MALRD1: variants seen among roughly 807,000 people sequenced by gnomAD.
The protein encoded by MALRD1 is MAM and LDL receptor class A domain containing 1.
A neutral mutation model predicts 242.1 loss-of-function variants in MALRD1; 247 were observed. The ratio of observed to expected loss-of-function variants is 1.02; its 90% CI spans 0.92 to 1.13. MALRD1 has a LOEUF of 1.13. Ranked by LOEUF, MALRD1 falls within the 50% of genes most tolerant of loss-of-function variation. The probability of loss-of-function intolerance (pLI) is 0.00; values close to 1 mark genes in which losing one functional copy is unlikely to be tolerated. For missense variants in MALRD1, 2,989 were observed against 2,533.1 expected (o/e 1.18, Z -3.86); for synonymous variants, 995 against 866.6 (o/e 1.15, Z -2.60).
intron 36 of MALRD1, among the ~76,000 whole-genome samples, chr10:19,658,367 T>G (rs190857983): frequency 1.5e-4 from 23 of 152,216 alleles, no homozygotes; most frequent in African/African-American, 5.1e-4. Flanking sequence ...AAAAAAATAA[T>G]GCATATAGAA....
intron 34 of MALRD1, among the ~76,000 whole-genome samples, chr10:19,606,875 T>A (rs1229169350): frequency 6.6e-6 from 1 of 152,156 alleles, no homozygotes; most frequent in Non-Finnish European, 1.5e-5. Flanking sequence ...CATAGCCTCT[T>A]CTTTCTAGGA....
intron 18 of MALRD1, among the ~76,000 whole-genome samples, chr10:19,233,893 A>T (rs1260378100): frequency 6.6e-6 from 1 of 151,768 alleles, no homozygotes; most frequent in Non-Finnish European, 1.5e-5. Context: ...AGGTTTCCCT[A>T]TTATATTCAA....
At chr10:19,219,578 A>G (rs1215908208) in intron 18 of MALRD1, among the ~76,000 whole-genome samples, 1 of 152,102 alleles carries the variant, frequency 6.6e-6, no homozygotes, top group Non-Finnish European at 1.5e-5. Context: ...CTGCGCCTAT[A>G]GGCGTGCACC....
intron 29 of MALRD1, chr10:19,489,127 G>A (rs2151234): frequency 0.5 from 233,630 of 465,566 alleles, 60,289 homozygotes; most frequent in Non-Finnish European, 0.56. Flanking sequence ...CTCTGCTGAA[G>A]GGGCCGCCAC....
At chr10:19,285,254 T>G (rs879773602) in intron 21 of MALRD1, among the ~76,000 whole-genome samples, 51 of 142,872 alleles carry the variant, frequency 3.6e-4, no homozygotes, top group South Asian at 9.4e-4. Context: ...CTCTTTAGTT[T>G]AATTAGATCC....
At chr10:19,444,853 C>G (rs989773647) in intron 28 of MALRD1, among the ~76,000 whole-genome samples, 1 of 152,132 alleles carries the variant, frequency 6.6e-6, no homozygotes, top group Non-Finnish European at 1.5e-5. Context: ...TGAATGTTGG[C>G]CTGCCTTGCT....
In MALRD1 at chr10:19,165,932, C is replaced by A. The variant is rs868377801; in HGVS notation, c.1830+122C>A. ...CAGGTGAGCACATATGAAATTAATA[C>A]AATGCAACAGAAGACACTTATTTAA... On this transcript the variant is annotated intron_variant, in intron 13 of 39. Transcript: ENST00000454679. The A allele has an allele frequency of 6.2e-6, 4 of 649,242 alleles. No homozygotes were observed. The Admixed American group carries it at 1.3e-4, about 21-fold the overall frequency. 40.2% of individuals were successfully genotyped at this position (649,242 alleles called of 1,614,324 possible).
intron 21 of MALRD1, among the ~76,000 whole-genome samples, chr10:19,303,339 G>A (rs1013244560): frequency 2.6e-4 from 40 of 151,642 alleles, no homozygotes; most frequent in Middle Eastern, 3.4e-3. Flanking sequence ...CACCAAGTAC[G>A]ATAGTACCAA....
At chr10:19,063,133 A>AAG (rs950245632) in intron 1 of MALRD1, among the ~76,000 whole-genome samples, 2 of 152,000 alleles carry the variant, frequency 1.3e-5, no homozygotes, top group African/African-American at 4.8e-5. Flanking sequence ...GTGACAGAGC[A>AAG]AGACCCTGTC....
At position 19,535,508 on chromosome 10, in the gene MALRD1, C is replaced by G. The variant is rs112498444; in HGVS notation, c.5478+4157C>G. 7.1e-3 allele frequency among the ~76,000 whole-genome samples: 1,058 copies of G among 148,212 alleles called. 12 individuals are homozygous for G. The highest frequency in any genetic ancestry group is 0.024 in the African/African-American group (985 of 40,394). ...GCATATACATATACACATATATATA[C>G]ACATATATACATGTGTATATGTATA... On this transcript the variant is annotated intron_variant, in intron 32 of 39. Transcript: ENST00000454679.
intron 33 of MALRD1, among the ~76,000 whole-genome samples, chr10:19,590,328 T>C (rs1837702896): frequency 6.8e-6 from 1 of 148,100 alleles, no homozygotes; most frequent in Non-Finnish European, 1.5e-5. Context: ...TATATACATA[T>C]TTTATATATG....
chr10:19,482,389 C>A (rs915933878), intron 29 of MALRD1, among the ~76,000 whole-genome samples: 5 of 151,586 alleles, frequency 3.3e-5, no homozygotes, highest in African/African-American at 1.2e-4. Flanking sequence ...AAACAAAAAA[C>A]CAGTTTTATT....
chr10:19,338,149 A>G (rs1196126242), intron 24 of MALRD1, among the ~76,000 whole-genome samples: 1 of 152,094 alleles, frequency 6.6e-6, no homozygotes, highest in African/African-American at 2.4e-5. Flanking sequence ...CATTTTCTAT[A>G]ATCGATAAAC....
At chr10:19,651,858 A>G (rs1478626260) in intron 36 of MALRD1, among the ~76,000 whole-genome samples, 2 of 152,208 alleles carry the variant, frequency 1.3e-5, no homozygotes, top group East Asian at 1.9e-4. Flanking sequence ...GAATTTAAAT[A>G]CAGAGGAAGA....
At chr10:19,592,045 A>T (rs1363381595) in intron 33 of MALRD1, among the ~76,000 whole-genome samples, 2 of 152,256 alleles carry the variant, frequency 1.3e-5, no homozygotes, top group East Asian at 3.8e-4. Flanking sequence ...AAGCAAAGTC[A>T]TGTTCACCCT....
In MALRD1 at chr10:19,546,685, C is replaced by A. The variant is rs1236880755; in HGVS notation, c.5478+15334C>A. On this transcript the variant is annotated intron_variant, in intron 32 of 39. Transcript: ENST00000454679. Reference sequence around the variant, plus strand: ...CTTTTCTTTTACCTGTAGGTGTTTGCAAATGCCTCAGTTCTGTTTATGTAT... The same window carrying A: ...CTTTTCTTTTACCTGTAGGTGTTTGAAAATGCCTCAGTTCTGTTTATGTAT... Among the ~76,000 whole-genome samples the A allele has an allele frequency of 3.9e-5, 6 of 152,162 alleles. No homozygotes were observed. In the East Asian group the frequency reaches 1.2e-3, roughly 29 times the overall value.
At chr10:19,585,442 A>T (rs1367029809) in intron 33 of MALRD1, among the ~76,000 whole-genome samples, 1 of 151,576 alleles carries the variant, frequency 6.6e-6, no homozygotes, top group African/African-American at 2.4e-5. Flanking sequence ...ATCTCTCAAC[A>T]TTTGCTTGTC....
upstream of MALRD1, among the ~76,000 whole-genome samples, chr10:19,047,793 G>T (rs1018584326): frequency 3.9e-5 from 6 of 151,986 alleles, no homozygotes; most frequent in African/African-American, 1.5e-4. Flanking sequence ...CCTACAATAT[G>T]GGTAATTCTT....
At chr10:19,325,068 T>A (rs1013134484) in intron 22 of MALRD1, among the ~76,000 whole-genome samples, 2 of 150,240 alleles carry the variant, frequency 1.3e-5, no homozygotes, top group Non-Finnish European at 3.0e-5. Flanking sequence ...AATTGTGATG[T>A]TCTAACTCAA....
Sources: gnomAD v4.1 joint callset for allele counts (sites outside exome capture counted in the v4.1 genomes callset) on GRCh38, gnomAD v4.1.1 for gene constraint, MANE v1.5 for transcripts, NCBI Gene and HGNC (gene_info 2026-07-23, HGNC 2026-07-21) for gene names.